SHOX: variants seen among roughly 807,000 people sequenced by gnomAD.
SHOX encodes the protein short stature homeobox protein.
SHOX carries 12 observed loss-of-function variants against 29.6 expected under a neutral mutation model. The ratio of observed to expected loss-of-function variants is 0.41; its 90% CI spans 0.26 to 0.66. The LOEUF is 0.66. Among genes scored for constraint, SHOX ranks in the 30% least tolerant of loss-of-function variants. SHOX has a pLI of 0.35. For missense variants in SHOX, 499 were observed against 437.7 expected, an observed-to-expected ratio of 1.14 and a Z score of -1.25; for synonymous variants, 214 against 200.6, an observed-to-expected ratio of 1.07 and a Z score of -0.57.
At chrX:635,116 T>C in intron 2 of SHOX, among the ~76,000 whole-genome samples, 1 of 152,218 alleles carries the variant, frequency 6.6e-6, no homozygotes, top group South Asian at 2.1e-4. Flanking sequence ...ATTGTATATA[T>C]TATAGATATT....
intron 1 of SHOX, among the ~76,000 whole-genome samples, chrX:624,906 CTTCCTTT>C (rs1218438967): frequency 0.048 from 3,848 of 80,596 alleles, 113 homozygotes; most frequent in Middle Eastern, 0.21. Flanking sequence ...TTCTTTCTCT[CTTCCTTT>C]CTTTCTTTCT....
rs2053055076 is a variant in SHOX at position 651,167 on chromosome X, A to C, written c.*6531A>C. Reference sequence around the variant, plus strand: ...ACTATTTTAATTATGTCGAGTGTAAATTTGACATCGCGTTGCATTTATTTT... The same window carrying C: ...ACTATTTTAATTATGTCGAGTGTAACTTTGACATCGCGTTGCATTTATTTT... On this transcript the variant is annotated 3_prime_UTR_variant, in exon 5 of 5. Transcript: ENST00000686671. The C allele has an allele frequency of 2.5e-6, 1 of 404,398 alleles. No homozygotes were observed. The highest frequency in any genetic ancestry group is 2.1e-5 in the African/African-American group (1 of 47,786). The allele number at this position is 404,398 out of a possible 1,614,324, so 25.1% of individuals were successfully genotyped here. A position where few individuals can be genotyped will look rare whatever the true frequency, so the allele number is the denominator to read the frequency against.
chrX:632,633 T>G, intron 1 of SHOX, among the ~76,000 whole-genome samples: 1 of 152,270 alleles, frequency 6.6e-6, no homozygotes, highest in Middle Eastern at 3.4e-3. Context: ...ACCAGGCAGC[T>G]TCCCAAGGCC....
chrX:655,606 CTCTCTCTCTATATATA>C (rs1164580948), downstream of SHOX, among the ~76,000 whole-genome samples: 146 of 35,760 alleles, frequency 4.1e-3, no homozygotes, highest in East Asian at 0.014. Context: ...CTCTCTCTCT[CTCTCTCTCTATATATA>C]TATATATATA....
In SHOX at chrX:650,654, C is replaced by A. The variant is rs952766418; in HGVS notation, c.*6018C>A. Among the ~76,000 whole-genome samples, 1 of 151,528 alleles carries A rather than the reference C, an allele frequency of 6.6e-6. No homozygotes were observed. Among genetic ancestry groups the A allele is most frequent in the African/African-American group, 2.4e-5 (1 of 41,352 alleles). On this transcript the variant is annotated 3_prime_UTR_variant, in exon 5 of 5. Coordinates refer to ENST00000686671, the MANE Select transcript of SHOX (RefSeq NM_000451.4). ...GCTCCCTTTAGCTCCACAGTTTTCC[C>A]GGGGACATAGCGAGGATGGCACACG...
At chrX:652,560 G>A (rs1213535642), downstream of SHOX, among the ~76,000 whole-genome samples, 2 of 151,950 alleles carry the variant, frequency 1.3e-5, no homozygotes, top group Admixed American at 1.3e-4. Flanking sequence ...AGAGCCTGAG[G>A]ACAGGTGAGC....
downstream of SHOX, among the ~76,000 whole-genome samples, chrX:652,080 G>A (rs2156998): frequency 0.37 from 55,392 of 151,726 alleles, 11,085 homozygotes; most frequent in Non-Finnish European, 0.46. Flanking sequence ...CTGCACCACC[G>A]CGCCCGGCTC....
Position 644,683 on chromosome X carries a change from C to T in SHOX, c.*47C>T, listed in dbSNP as rs955720785. ...CGCCCGGACTCCCGGGCTCCGCGCA[C>T]CCCGCCTGCACCGCGCGTCCTGCAC... On this transcript the variant is annotated 3_prime_UTR_variant, in exon 5 of 5. Coordinates refer to ENST00000686671, the MANE Select transcript of SHOX (RefSeq NM_000451.4). 2.3e-5 allele frequency: 32 copies of T among 1,394,258 alleles called. No individual in the cohort carries two copies. The highest frequency in any genetic ancestry group is 3.0e-5 in the East Asian group (1 of 33,518). The allele number at this position is 1,394,258 out of a possible 1,614,324, so 86.4% of individuals were successfully genotyped here. A position where few individuals can be genotyped will look rare whatever the true frequency, so the allele number is the denominator to read the frequency against.
Position 630,840 on chromosome X carries a change from G to C in SHOX, c.-58G>C. On this transcript the variant is annotated 5_prime_UTR_variant, in exon 1 of 5. Transcript: ENST00000686671. Reference sequence around the variant, plus strand: ...CCCGCGCGCACGGGCCGTCCTCTCCGCGCGGGGAGACGCGCGCATCCACCA... The same window carrying C: ...CCCGCGCGCACGGGCCGTCCTCTCCCCGCGGGGAGACGCGCGCATCCACCA... 1 of 1,605,956 alleles carries C rather than the reference G, an allele frequency of 6.2e-7. No individual in the cohort carries two copies. The highest frequency in any genetic ancestry group is 8.5e-7 in the Non-Finnish European group (1 of 1,175,638).
At chrX:635,686 C>T (rs2052733386) in intron 2 of SHOX, among the ~76,000 whole-genome samples, 1 of 152,228 alleles carries the variant, frequency 6.6e-6, no homozygotes, top group South Asian at 2.1e-4. Context: ...CGGGCAGAGC[C>T]TTCCTCCGCA....
chrX:656,600 G>A (rs924407177), intron 5 of SHOX, among the ~76,000 whole-genome samples: 8 of 152,140 alleles, frequency 5.3e-5, no homozygotes, highest in African/African-American at 1.9e-4. Flanking sequence ...CCAGCATTTT[G>A]GGAGGCCGAG....
At chrX:628,532 C>T (rs1291346835), upstream of SHOX, among the ~76,000 whole-genome samples, 1 of 81,112 alleles carries the variant, frequency 1.2e-5, no homozygotes, top group Non-Finnish European at 2.7e-5. Flanking sequence ...TCTCTCTCTC[C>T]ATCTGTCTGT....
downstream of SHOX, among the ~76,000 whole-genome samples, chrX:655,912 C>T (rs28574999): frequency 0.84 from 127,092 of 151,980 alleles, 53,192 homozygotes; most frequent in Middle Eastern, 0.88. Context: ...TGGTAGCTCA[C>T]GCTTGTTGTA....
At position 644,679 on chromosome X, in the gene SHOX, C is replaced by A; in HGVS notation, c.*43C>A. On this transcript the variant is annotated 3_prime_UTR_variant, in exon 5 of 5. Transcript: ENST00000686671. ...CGCGCGCCCGGACTCCCGGGCTCCG[C>A]GCACCCCGCCTGCACCGCGCGTCCT... The A allele has an allele frequency of 1.4e-6, 2 of 1,394,272 alleles. No individual in the cohort carries two copies. The highest frequency in any genetic ancestry group is 3.0e-5 in the East Asian group (1 of 33,540). The allele number at this position is 1,394,272 out of a possible 1,614,324, so 86.4% of individuals were successfully genotyped here. A position where few individuals can be genotyped will look rare whatever the true frequency, so the allele number is the denominator to read the frequency against.
intron 3 of SHOX, 53 bp from the exon 4 acceptor site, chrX:640,946 G>T (rs2052842332): frequency 1.9e-6 from 3 of 1,613,444 alleles, no homozygotes; most frequent in Non-Finnish European, 2.5e-6. Flanking sequence ...GGTCGACGAG[G>T]TGCTGGCTAC....
chrX:644,527 C>T lies in SHOX; in HGVS notation c.770C>T (p.Ala257Val), dbSNP rs760304872. 6 of 1,518,628 alleles carry T rather than the reference C, an allele frequency of 4.0e-6. No individual in the cohort carries two copies. In the South Asian group the frequency reaches 4.9e-5, roughly 12 times the overall value. 94.1% of individuals were successfully genotyped at this position (1,518,628 alleles called of 1,614,324 possible). A position where few individuals can be genotyped will look rare whatever the true frequency, so the allele number is the denominator to read the frequency against. The change falls in exon 5 of 5, where the codon GCC (alanine) becomes GTC (valine). Residue 257 changes from alanine (A) to valine (V), a missense_variant. Physicochemically the swap from Ala to Val is moderately conservative, Grantham distance 64. Coordinates refer to ENST00000686671, the MANE Select transcript of SHOX (RefSeq NM_000451.4). ...GLPIASLAESASAAAVVAAAA... is the reference protein window; with the variant it reads ...GLPIASLAESVSAAAVVAAAA... ...CCCATCGCGTCGCTGGCCGAGTCCGCCTCGGCCGCCGCCGTGGTCGCCGCC... is the reference window on the plus strand; with the variant it reads ...CCCATCGCGTCGCTGGCCGAGTCCGTCTCGGCCGCCGCCGTGGTCGCCGCC...
chrX:658,406 A>G (rs974941508), intron 5 of SHOX, among the ~76,000 whole-genome samples: 1 of 151,914 alleles, frequency 6.6e-6, no homozygotes, highest in African/African-American at 2.4e-5. Context: ...CCTATCATTG[A>G]TGGTTAGTAT....
chrX:651,847 CA>C (rs751036054), downstream of SHOX, among the ~76,000 whole-genome samples: 468 of 150,920 alleles, frequency 3.1e-3, 2 homozygotes, highest in Middle Eastern at 0.031. Flanking sequence ...CAGAAGGTGG[CA>C]AAAAAAACAG....
intron 4 of SHOX, 178 bp from the exon 5 acceptor site, chrX:644,213 G>T (rs1223014530): frequency 1.1e-4 from 52 of 473,448 alleles, no homozygotes; most frequent in Non-Finnish European, 1.4e-4. Context: ...CAGTGGCAGC[G>T]CCAATTCTGG....
Sources: allele counts gnomAD v4.1 joint callset (sites outside exome capture counted in the v4.1 genomes callset), GRCh38; gene constraint gnomAD v4.1.1; transcripts MANE v1.5; gene names NCBI Gene and HGNC (gene_info 2026-07-23, HGNC 2026-07-21).